The following EP300 variants were observed in gnomAD, a reference collection of about 807,000 sequenced individuals.
The protein encoded by EP300 is histone acetyltransferase p300.
Under a neutral mutation model 264.0 loss-of-function variants are expected in EP300, and 31 were observed. The ratio of observed to expected loss-of-function variants is 0.12; its 90% confidence interval spans 0.09 to 0.16. EP300 has a LOEUF of 0.16. EP300 is among the 10% of genes least tolerant of loss of function. EP300 has a pLI of 1.00. For missense variants in EP300, 2,766 were observed against 3,052.9 expected, an observed-to-expected ratio of 0.91 and a Z score of 2.21; for synonymous variants, 1,340 against 1,045.4, an observed-to-expected ratio of 1.28 and a Z score of -5.44.
chr22:41,151,746 GCTAT>G (rs1601621086), intron 14 of EP300, 83 bp from the exon 15 acceptor site: 1 of 1,364,534 alleles, frequency 7.3e-7, no homozygotes. Context: ...GGCTAATTCT[GCTAT>G]CCTGTTGCTT....
At position 41,178,884 on chromosome 22, in the gene EP300, G is replaced by A. The variant is rs573669978; in HGVS notation, c.7173G>A (p.Thr2391=). Residue 2391 remains threonine, a synonymous_variant, in exon 31 of 31, where the codon ACG becomes ACA. Coordinates refer to ENST00000263253, the MANE Select transcript of EP300 (RefSeq NM_001429.4). ...GMANLHGASA[T]DLGLSTDNSD... Reference sequence around the variant, plus strand: ...CAAACCTCCATGGTGCAAGCGCCACGGACCTGGGACTCAGCACCGATAACT... The same window carrying A: ...CAAACCTCCATGGTGCAAGCGCCACAGACCTGGGACTCAGCACCGATAACT... 1.1e-5 allele frequency: 18 copies of A among 1,614,150 alleles called. No individual in the cohort carries two copies. The highest frequency in any genetic ancestry group is 3.3e-5 in the South Asian group (3 of 91,082).
At chr22:41,120,396 T>G (rs2058845610) in intron 2 of EP300, among the ~76,000 whole-genome samples, 1 of 152,164 alleles carries the variant, frequency 6.6e-6, no homozygotes, top group South Asian at 2.1e-4. Context: ...GTCCTAAAAT[T>G]ATCTTGTAGA....
At chr22:41,104,570 G>A (rs1028407030) in intron 1 of EP300, among the ~76,000 whole-genome samples, 4 of 152,208 alleles carry the variant, frequency 2.6e-5, no homozygotes, top group Admixed American at 6.5e-5. Flanking sequence ...GGTTACAGGC[G>A]TGAGCCACCA....
intron 7 of EP300, 28 bp downstream of exon 7, chr22:41,135,934 G>T (rs754956727): frequency 1.3e-5 from 20 of 1,512,928 alleles, no homozygotes; most frequent in Non-Finnish European, 1.8e-5. Flanking sequence ...TTATACCCTG[G>T]GTCACATTAC....
Position 41,176,270 on chromosome 22 carries a change from T to C in EP300, c.4803T>C (p.Ile1601=). Residue 1601 remains isoleucine, a synonymous_variant, in exon 30 of 31, where the codon ATT becomes ATC. Transcript: ENST00000263253. The part of the protein sequence containing the change: ...HKEVFFVIRL[I]AGPAANSLPP... The stretch of plus-strand genomic sequence containing the variant: ...AGGTCTTCTTTGTGATCCGCCTCAT[T>C]GCTGGCCCTGCTGCCAACTCCCTGC... The C allele has an allele frequency of 6.2e-7, 1 of 1,614,158 alleles. No homozygotes were observed. The highest frequency in any genetic ancestry group is 8.5e-7 in the Non-Finnish European group (1 of 1,180,028).
intron 16 of EP300, among the ~76,000 whole-genome samples, chr22:41,154,468 GC>G (rs1175205703): frequency 7.4e-6 from 1 of 135,780 alleles, no homozygotes; most frequent in African/African-American, 2.8e-5. Flanking sequence ...TGCAACATCT[GC>G]CTCCCGAGTT....
intron 1 of EP300, among the ~76,000 whole-genome samples, chr22:41,105,433 C>G (rs1036072234): frequency 1.3e-5 from 2 of 151,526 alleles, no homozygotes; most frequent in Admixed American, 1.3e-4. Flanking sequence ...GAGTCTCACT[C>G]TGTCATCCAG....
At chr22:41,137,939 T>C in intron 8 of EP300, 149 bp downstream of exon 8, 1 of 1,113,664 alleles carries the variant, frequency 9.0e-7, no homozygotes, top group Non-Finnish European at 1.3e-6. Context: ...TGTGGATTTC[T>C]TGCTGCTGCT....
chr22:41,152,419 C>A (rs2145741413), intron 16 of EP300, 69 bp downstream of exon 16: 4 of 1,552,930 alleles, frequency 2.6e-6, no homozygotes, highest in South Asian at 2.3e-5. Flanking sequence ...GAATTGCGGT[C>A]ATGCCTCTTG....
chr22:41,123,315 G>A (rs2058862569), intron 2 of EP300, among the ~76,000 whole-genome samples: 1 of 152,116 alleles, frequency 6.6e-6, no homozygotes, highest in Non-Finnish European at 1.5e-5. Context: ...GAGGCTCAAG[G>A]AGCGTGATAC....
rs1371356088 is a variant in EP300 at position 41,177,169 on chromosome 22, C to T, written c.5458C>T (p.His1820Tyr). ...KQKLRQQQLQHRLQQAQMLRR... is the reference protein window; with the variant it reads ...KQKLRQQQLQYRLQQAQMLRR... The stretch of plus-strand genomic sequence containing the variant: ...GAAGCTCCGGCAGCAACAGCTGCAG[C>T]ACCGACTACAGCAGGCCCAAATGCT... Residue 1820 changes from histidine to tyrosine, a missense_variant, in exon 31 of 31, where the codon CAC becomes TAC. Transcript: ENST00000263253. 6.2e-7 allele frequency: 1 copy of T among 1,614,150 alleles called. No individual in the cohort carries two copies. The highest frequency in any genetic ancestry group is 1.1e-5 in the South Asian group (1 of 91,090).
chr22:41,174,795 T>G (rs893980760), intron 29 of EP300: 7 of 152,204 alleles, frequency 4.6e-5, no homozygotes, highest in African/African-American at 1.7e-4. Flanking sequence ...CAGGTTGTAA[T>G]TCCGTACCTA....
intron 22 of EP300, among the ~76,000 whole-genome samples, chr22:41,164,464 C>A (rs903089818): frequency 9.9e-5 from 15 of 152,150 alleles, no homozygotes; most frequent in African/African-American, 2.7e-4. Flanking sequence ...GTAATCCCAG[C>A]ACTTTGGGAG....
chr22:41,163,534 G>T (rs2059119007), intron 21 of EP300, among the ~76,000 whole-genome samples: 1 of 152,020 alleles, frequency 6.6e-6, no homozygotes, highest in Non-Finnish European at 1.5e-5. Flanking sequence ...ATCACCCAAG[G>T]TCAAGAGTTC....
chr22:41,126,216 T>G (rs1438331014), intron 3 of EP300, 176 bp downstream of exon 3: 4 of 661,436 alleles, frequency 6.0e-6, no homozygotes, highest in Non-Finnish European at 1.0e-5. Context: ...TTTCTCTGTT[T>G]TTTTTGTTCC....
intron 11 of EP300, among the ~76,000 whole-genome samples, chr22:41,147,305 A>G (rs2059016853): frequency 2.7e-5 from 1 of 37,238 alleles, no homozygotes; most frequent in East Asian, 1.1e-3. Context: ...CTTCGTCTCA[A>G]AAAAAAAAAA....
At position 41,178,918 on chromosome 22, in the gene EP300, A is replaced by G; in HGVS notation, c.7207A>G (p.Asn2403Asp). ...ACTCAGCACCGATAACTCAGACTTG[A>G]ATTCAAACCTCTCACAGAGTACACT... ...LGLSTDNSDL[N>D]SNLSQSTLDI... Residue 2403 changes from asparagine (N) to aspartate (D), a missense_variant, in exon 31 of 31, where the codon AAT becomes GAT. Coordinates refer to ENST00000263253, the MANE Select transcript of EP300 (RefSeq NM_001429.4). 2 of 1,614,248 alleles carry G rather than the reference A, an allele frequency of 1.2e-6. No individual in the cohort carries two copies. The highest frequency in any genetic ancestry group is 1.7e-6 in the Non-Finnish European group (2 of 1,180,050).
chr22:41,123,423 T>C (rs1056262879), intron 2 of EP300, among the ~76,000 whole-genome samples: 7 of 152,158 alleles, frequency 4.6e-5, no homozygotes, highest in African/African-American at 1.7e-4. Flanking sequence ...GTGGGGTTGA[T>C]TTTTTTCTTT....
Position 41,140,129 on chromosome 22 carries a change from T to C in EP300, c.1761-11T>C, listed in dbSNP as rs771893099. On this transcript the variant is annotated splice_polypyrimidine_tract_variant and intron_variant, in intron 8 of 30. Transcript: ENST00000263253. ...ACATGATATTACAGTGGTAGGATTT[T>C]CTTTTTCCAGCGTCCAAGCCATATT... 6.3e-7 allele frequency: 1 copy of C among 1,588,896 alleles called. No homozygotes were observed. The highest frequency in any genetic ancestry group is 8.6e-7 in the Non-Finnish European group (1 of 1,157,074).
Sources: allele counts gnomAD v4.1 joint callset (sites outside exome capture counted in the v4.1 genomes callset), GRCh38; gene constraint gnomAD v4.1.1; transcripts MANE v1.5; gene names NCBI Gene and HGNC (gene_info 2026-07-23, HGNC 2026-07-21).